PERP: variants seen among roughly 807,000 people sequenced by gnomAD.
PERP encodes p53 apoptosis effector related to PMP22.
A neutral mutation model predicts 20.3 loss-of-function variants in PERP; 11 were observed. The ratio of observed to expected loss-of-function variants is 0.54; its 90% CI spans 0.34 to 0.90. The LOEUF is 0.90. Ranked by LOEUF, PERP falls within the 40% of genes least tolerant of loss-of-function variation. The pLI is 0.02. For synonymous variants in PERP, 101 were observed against 102.0 expected (o/e 0.99, Z 0.06); for missense variants, 224 against 249.4 (o/e 0.90, Z 0.69).
At chr6:138,097,146 A>C (rs1347958127) in intron 1 of PERP, among the ~76,000 whole-genome samples, 1 of 152,232 alleles carries the variant, frequency 6.6e-6, no homozygotes, top group East Asian at 1.9e-4. Flanking sequence ...TTAAGTATTC[A>C]AAATGTATTG....
chr6:138,095,235 C>A (rs1357923938), intron 2 of PERP, among the ~76,000 whole-genome samples: 1 of 152,158 alleles, frequency 6.6e-6, no homozygotes, highest in African/African-American at 2.4e-5. Context: ...ATTCAAAAAG[C>A]AAACTTTGAA....
At chr6:138,095,755 A>G (rs1304211423) in intron 2 of PERP, among the ~76,000 whole-genome samples, 3 of 152,114 alleles carry the variant, frequency 2.0e-5, no homozygotes, top group African/African-American at 7.2e-5. Flanking sequence ...TAGTTCTTGT[A>G]TTCCATCAAT....
intron 2 of PERP, among the ~76,000 whole-genome samples, chr6:138,095,385 C>T (rs1775664905): frequency 6.6e-6 from 1 of 152,288 alleles, no homozygotes; most frequent in South Asian, 2.1e-4. Context: ...GCTCTGCGAA[C>T]TTAACTCTTC....
In PERP at chr6:138,090,856, A is replaced by T. The variant is rs1775567487; in HGVS notation, c.*1186T>A. ...AATTAGCTTTTTCCACAACTTACAA[A>T]ATAATAATCTGATATTTAAAATGAA... is the stretch of plus-strand genomic sequence containing the variant. On this transcript the variant is annotated 3_prime_UTR_variant, in exon 3 of 3. Transcript: ENST00000421351. 6.6e-6 allele frequency: 1 copy of T among 152,584 alleles called. No individual in the cohort carries two copies. Among genetic ancestry groups the T allele is most frequent in the Admixed American group, 6.5e-5 (1 of 15,268 alleles). 9.5% of individuals were successfully genotyped at this position (152,584 alleles called of 1,614,324 possible). A position where few individuals can be genotyped will look rare whatever the true frequency, so the allele number is the denominator to read the frequency against.
intron 1 of PERP, 118 bp from the exon 2 acceptor site, chr6:138,096,612 G>T: frequency 8.7e-7 from 1 of 1,154,378 alleles, no homozygotes; most frequent in South Asian, 1.9e-5. Context: ...TTTGGATGGA[G>T]GGACAGTTTT....
At chr6:138,106,855 C>A (rs116540230) in intron 1 of PERP, among the ~76,000 whole-genome samples, 258 of 149,178 alleles carry the variant, frequency 1.7e-3, no homozygotes, top group African/African-American at 6.3e-3. Flanking sequence ...ATCTTTCGTA[C>A]GTAACCGACA....
At chr6:138,106,036 T>TC (rs1775835147) in intron 1 of PERP, among the ~76,000 whole-genome samples, 1 of 151,782 alleles carries the variant, frequency 6.6e-6, no homozygotes, top group South Asian at 2.1e-4. Context: ...GCTGATATAG[T>TC]CCCCCGGAAA....
intron 1 of PERP, among the ~76,000 whole-genome samples, chr6:138,102,837 C>T (rs771908587): frequency 2.5e-4 from 38 of 152,064 alleles, no homozygotes; most frequent in Non-Finnish European, 4.9e-4. Context: ...CGGTGGCTCA[C>T]GCCTGTAATC....
At chr6:138,102,203 A>C (rs1775784408) in intron 1 of PERP, among the ~76,000 whole-genome samples, 1 of 152,238 alleles carries the variant, frequency 6.6e-6, no homozygotes, top group South Asian at 2.1e-4. Context: ...GCTCTCTGTT[A>C]CTTTAACCCT....
chr6:138,095,084 AG>A (rs749615555), intron 2 of PERP, among the ~76,000 whole-genome samples: 7 of 152,206 alleles, frequency 4.6e-5, no homozygotes, highest in Non-Finnish European at 1.0e-4. Context: ...GACACATGAA[AG>A]GAAGACACAT....
intron 1 of PERP, among the ~76,000 whole-genome samples, chr6:138,101,192 A>G (rs140874126): frequency 1.3e-5 from 2 of 152,274 alleles, no homozygotes; most frequent in East Asian, 3.9e-4. Flanking sequence ...AACATGGTGA[A>G]ATCCCCATCT....
chr6:138,096,575 T>G, intron 1 of PERP, 81 bp from the exon 2 acceptor site: 1 of 1,453,442 alleles, frequency 6.9e-7, no homozygotes, highest in Non-Finnish European at 9.1e-7. Context: ...CAACATGGTT[T>G]TGGGCTTTTT....
At chr6:138,102,828 G>A (rs1475672552) in intron 1 of PERP, among the ~76,000 whole-genome samples, 4 of 152,122 alleles carry the variant, frequency 2.6e-5, no homozygotes, top group South Asian at 4.1e-4. Context: ...GGCCAGGCGC[G>A]GTGGCTCACG....
intron 1 of PERP, among the ~76,000 whole-genome samples, chr6:138,104,275 T>C (rs1775813884): frequency 6.6e-6 from 1 of 152,230 alleles, no homozygotes; most frequent in Admixed American, 6.5e-5. Flanking sequence ...TCTTTTCCTG[T>C]TTTGACAAAT....
intron 2 of PERP, among the ~76,000 whole-genome samples, chr6:138,093,157 T>C (rs1342435724): frequency 6.6e-6 from 1 of 152,206 alleles, no homozygotes; most frequent in African/African-American, 2.4e-5. Flanking sequence ...AGTATATACA[T>C]GTGTGTTCTG....
intron 1 of PERP, among the ~76,000 whole-genome samples, chr6:138,103,398 C>A (rs1304858463): frequency 1.3e-5 from 2 of 151,956 alleles, no homozygotes; most frequent in African/African-American, 4.8e-5. Context: ...GTGATCTGCC[C>A]GCCTCGGCCT....
At chr6:138,101,151 G>A (rs1396642480) in intron 1 of PERP, among the ~76,000 whole-genome samples, 2 of 152,130 alleles carry the variant, frequency 1.3e-5, no homozygotes, top group Non-Finnish European at 2.9e-5. Context: ...GAAAGGTCAC[G>A]TGAGGTCGGG....
At chr6:138,096,596 G>A in intron 1 of PERP, 102 bp from the exon 2 acceptor site, 1 of 1,302,602 alleles carries the variant, frequency 7.7e-7, no homozygotes, top group South Asian at 1.7e-5. Flanking sequence ...TTCCCTACTA[G>A]TTACATTTGG....
In PERP at chr6:138,092,287, T is replaced by A. The variant is rs755544932; in HGVS notation, c.356-19A>T. 1.5e-5 allele frequency: 24 copies of A among 1,587,974 alleles called. No individual in the cohort carries two copies. Among genetic ancestry groups the A allele is most frequent in the Admixed American group, 8.4e-5 (5 of 59,876 alleles). On this transcript the variant is annotated intron_variant, in intron 2 of 2. Coordinates refer to ENST00000421351, the MANE Select transcript of PERP (RefSeq NM_022121.5). Reference sequence around the variant, plus strand: ...AACACAGCTAAAGGGAAGAAAAAAATCCCAGGGTATGAATGCATACATGCA... The same window carrying A: ...AACACAGCTAAAGGGAAGAAAAAAAACCCAGGGTATGAATGCATACATGCA...
Sources: allele counts gnomAD v4.1 joint callset (sites outside exome capture counted in the v4.1 genomes callset), GRCh38; gene constraint gnomAD v4.1.1; transcripts MANE v1.5; gene names NCBI Gene and HGNC (gene_info 2026-07-23, HGNC 2026-07-21).